Variants in NEFM observed in about 807,000 individuals in gnomAD.
The protein encoded by NEFM is neurofilament medium polypeptide.
A neutral mutation model predicts 48.1 loss-of-function variants in NEFM; 16 were observed. The ratio of observed to expected loss-of-function variants is 0.33; its 90% CI spans 0.23 to 0.51. The LOEUF (loss-of-function observed/expected upper bound fraction) is 0.51, where lower values mean the gene tolerates loss of function less well. Among genes scored for constraint, NEFM ranks in the 20% least tolerant of loss-of-function variants. The probability of loss-of-function intolerance (pLI) is 0.98; values close to 1 mark genes in which losing one functional copy is unlikely to be tolerated. For synonymous variants in NEFM, 465 were observed against 456.9 expected, an observed-to-expected ratio of 1.02 and a Z score of -0.23; for missense variants, 1,107 against 1,136.0, an observed-to-expected ratio of 0.97 and a Z score of 0.37.
At chr8:24,916,365 A>G (rs1462811002) in intron 2 of NEFM, among the ~76,000 whole-genome samples, 2 of 152,214 alleles carry the variant, frequency 1.3e-5, no homozygotes, top group African/African-American at 4.8e-5. Flanking sequence ...AATATATATG[A>G]TCGTTTTATA....
At position 24,917,073 on chromosome 8, in the gene NEFM, G is replaced by T; in HGVS notation, c.1218G>T (p.Glu406Asp). 6.2e-7 allele frequency: 1 copy of T among 1,614,184 alleles called. No homozygotes were observed. The highest frequency in any genetic ancestry group is 8.5e-7 in the Non-Finnish European group (1 of 1,180,024). Reference sequence around the variant, plus strand: ...ATTTTCTCCTTAGAAAACTCCTGGAGGGTGAAGAGACTAGATTTAGCACAT... The same window carrying T: ...ATTTTCTCCTTAGAAAACTCCTGGATGGTGAAGAGACTAGATTTAGCACAT... ...IEIAAYRKLLEGEETRFSTFA... is the reference protein window; with the variant it reads ...IEIAAYRKLLDGEETRFSTFA... The change falls in exon 3 of 3, where the codon GAG (glutamate) becomes GAT (aspartate). Residue 406 changes from glutamate to aspartate, a missense_variant. Glu to Asp is a conservative substitution (Grantham distance 45). Transcript: ENST00000221166.
chr8:24,914,413 G>A lies in NEFM; in HGVS notation c.620G>A (p.Arg207His), dbSNP rs550218764. 4 of 1,613,586 alleles carry A rather than the reference G, an allele frequency of 2.5e-6. No individual in the cohort carries two copies. The highest frequency in any genetic ancestry group is 2.2e-5 in the South Asian group (2 of 91,084). Residue 207 changes from arginine (R) to histidine (H), a missense_variant, in exon 1 of 3, where the codon CGC (arginine) becomes CAC (histidine). Coordinates refer to ENST00000221166, the MANE Select transcript of NEFM (RefSeq NM_005382.2). The part of the protein sequence containing the change: ...DDTEAAIRAL[R>H]KDIEEASLVK... The stretch of plus-strand genomic sequence containing the variant: ...ACTGAGGCGGCCATCCGCGCGCTGC[G>A]CAAAGACATCGAGGAGGCGTCGCTG...
chr8:24,917,439 GGAA>G lies in NEFM; in HGVS notation c.1592_1594del (p.Glu531del), dbSNP rs927835023. ...TTAAAGAAGAGGAAGGGGAAAAGGA[GGAA>G]GAAGAAGGCCAGGAAGAAGAGGAGG... On this transcript the variant is annotated inframe_deletion, in exon 3 of 3. Coordinates refer to ENST00000221166, the MANE Select transcript of NEFM (RefSeq NM_005382.2). 3.2e-6 allele frequency: 5 copies of G among 1,556,168 alleles called. No homozygotes were observed. In the African/African-American group the frequency reaches 4.1e-5, roughly 13 times the overall value.
Position 24,914,045 on chromosome 8 carries a change from C to G in NEFM, c.252C>G (p.Leu84=). ...SLDFSQSSSL[L]NGGSGPGGDY... ...ACTTCAGCCAGTCCTCGTCCCTGCT[C>G]AACGGCGGCTCCGGACCCGGCGGCG... is the stretch of plus-strand genomic sequence containing the variant. The change falls in exon 1 of 3, where the codon CTC becomes CTG. Residue 84 remains leucine (L), a synonymous_variant. Coordinates refer to ENST00000221166, the MANE Select transcript of NEFM (RefSeq NM_005382.2). The G allele has an allele frequency of 1.2e-6, 2 of 1,612,832 alleles. No individual in the cohort carries two copies. The highest frequency in any genetic ancestry group is 4.5e-5 in the East Asian group (2 of 44,866).
rs755574600 is a variant in NEFM at position 24,914,057 on chromosome 8, C to G, written c.264C>G (p.Ser88=). The change falls in exon 1 of 3, where the codon TCC becomes TCG. Residue 88 remains serine, a synonymous_variant. Coordinates refer to ENST00000221166, the MANE Select transcript of NEFM (RefSeq NM_005382.2). ...SQSSSLLNGG[S]GPGGDYKLSR... The stretch of plus-strand genomic sequence containing the variant: ...CCTCGTCCCTGCTCAACGGCGGCTC[C>G]GGACCCGGCGGCGACTACAAGCTGT... The G allele has an allele frequency of 2.5e-6, 4 of 1,612,798 alleles. No individual in the cohort carries two copies. Among genetic ancestry groups the G allele is most frequent in the Middle Eastern group, 3.3e-4 (2 of 6,062 alleles).
At chr8:24,916,012 G>GA (rs1036108568) in intron 2 of NEFM, among the ~76,000 whole-genome samples, 104 of 152,294 alleles carry the variant, frequency 6.8e-4, no homozygotes, top group Admixed American at 1.4e-3. Flanking sequence ...ACTTTTTATG[G>GA]AAAAATGTTT....
Position 24,914,811 on chromosome 8 carries a change from T to A in NEFM, c.1018T>A (p.Ser340Thr). ...ELESVRGTKE[S>T]LERQLSDIEE... ...AGAGTCGGTGCGCGGCACCAAGGAG[T>A]CCCTGGAGCGGCAGCTCAGCGACAT... The change falls in exon 1 of 3, where the codon TCC (serine) becomes ACC (threonine). Residue 340 changes from serine (S) to threonine (T), a missense_variant. By Grantham distance (58) the Ser-to-Thr change is moderately conservative (BLOSUM62 1). Transcript: ENST00000221166. 1 of 1,603,456 alleles carries A rather than the reference T, an allele frequency of 6.2e-7. No individual in the cohort carries two copies. Among genetic ancestry groups the A allele is most frequent in the Non-Finnish European group, 8.5e-7 (1 of 1,175,852 alleles).
Position 24,914,103 on chromosome 8 carries a change from C to A in NEFM, c.310C>A (p.Gln104Lys), listed in dbSNP as rs777168269. ...YKLSRSNEKE[Q>K]LQGLNDRFAG... is the part of the protein sequence containing the mutation. ...GCTGTCCCGCTCCAACGAGAAGGAG[C>A]AGCTGCAGGGGCTGAACGACCGCTT... The change falls in exon 1 of 3, where the codon CAG becomes AAG. Residue 104 changes from glutamine to lysine, a missense_variant. By Grantham distance (53) the Gln-to-Lys change is moderately conservative. Transcript: ENST00000221166. 2 of 1,613,100 alleles carry A rather than the reference C, an allele frequency of 1.2e-6. No homozygotes were observed. The highest frequency in any genetic ancestry group is 2.2e-5 in the South Asian group (2 of 91,072).
chr8:24,918,464 C>A lies in NEFM; in HGVS notation c.2609C>A (p.Thr870Asn). The A allele has an allele frequency of 3.1e-6, 5 of 1,613,948 alleles. No homozygotes were observed. The highest frequency in any genetic ancestry group is 4.2e-6 in the Non-Finnish European group (5 of 1,179,958). Residue 870 changes from threonine (T) to asparagine (N), a missense_variant, in exon 3 of 3, where the codon ACC becomes AAC. Thr to Asn is a moderately conservative substitution (Grantham distance 65). This residue lies in a region of NEFM where 917 missense variants were observed against 916.4 expected (regional missense o/e 1.00). Transcript: ENST00000221166. ...KITSEGGDGA[T>N]KYITKSVTVT... is the part of the protein sequence containing the mutation. ...ACCAGTGAGGGGGGAGATGGTGCTA[C>A]CAAATACATCACTAAATCTGTAACC...
At position 24,918,001 on chromosome 8, in the gene NEFM, G is replaced by A. The variant is rs1470701670; in HGVS notation, c.2146G>A (p.Glu716Lys). ...EKEVKEAPKE[E>K]KVEKKEEKPK... ...GGAAGTCAAGGAAGCTCCCAAGGAA[G>A]AGAAGGTAGAGAAAAAGGAAGAGAA... The change falls in exon 3 of 3, where the codon GAG becomes AAG. Residue 716 changes from glutamate to lysine, a missense_variant. By Grantham distance (56) the Glu-to-Lys change is moderately conservative. Transcript: ENST00000221166. 4 of 1,594,718 alleles carry A rather than the reference G, an allele frequency of 2.5e-6. No individual in the cohort carries two copies. The highest frequency in any genetic ancestry group is 3.4e-6 in the Non-Finnish European group (4 of 1,169,680).
Position 24,917,134 on chromosome 8 carries a change from C to T in NEFM, c.1279C>T (p.Arg427Ter), listed in dbSNP as rs1246789788. The T allele has an allele frequency of 3.1e-6, 5 of 1,614,024 alleles. No individual in the cohort carries two copies. Among genetic ancestry groups the T allele is most frequent in the Admixed American group, 1.7e-5 (1 of 60,012 alleles). Residue 427 changes from arginine (R) to a stop codon, truncating the protein, a stop_gained, in exon 3 of 3, where the codon CGA becomes TGA. Coordinates refer to ENST00000221166, the MANE Select transcript of NEFM (RefSeq NM_005382.2). LOFTEE classifies it low-confidence loss of function (END_TRUNC). ...GSITGPLYTH[R>*]PPITISSKIQ... is the part of the protein sequence containing the mutation. Reference sequence around the variant, plus strand: ...CATCACTGGGCCACTGTATACACACCGACCCCCAATCACAATATCCAGTAA... The same window carrying T: ...CATCACTGGGCCACTGTATACACACTGACCCCCAATCACAATATCCAGTAA...
At chr8:24,916,932 T>G (rs1270901895) in intron 2 of NEFM, 129 bp from the exon 3 acceptor site, 1 of 817,590 alleles carries the variant, frequency 1.2e-6, no homozygotes, top group Non-Finnish European at 2.1e-6. Flanking sequence ...TATAGTGAAT[T>G]CATAGAATAT....
chr8:24,915,200 C>G, intron 1 of NEFM: 1 of 1,298,834 alleles, frequency 7.7e-7, no homozygotes, highest in East Asian at 3.4e-5. Flanking sequence ...TTTAGGATAG[C>G]TTATGCAGAA....
rs1802592112 is a variant in NEFM, at chr8:24,917,406, A to G, written c.1551A>G (p.Ala517=). ...AAAAGTCTCCAGTGAAAGCAACTGC[A>G]CCTGAAGTTAAAGAAGAGGAAGGGG... is the stretch of plus-strand genomic sequence containing the variant. ...AAKKSPVKAT[A]PEVKEEEGEK... is the part of the protein sequence containing the mutation. Residue 517 remains alanine, a synonymous_variant, in exon 3 of 3, where the codon GCA becomes GCG. Transcript: ENST00000221166. The G allele has an allele frequency of 6.4e-7, 1 of 1,565,252 alleles. No individual in the cohort carries two copies. The highest frequency in any genetic ancestry group is 1.9e-5 in the Admixed American group (1 of 51,896).
Position 24,917,077 on chromosome 8 carries a change from G to A in NEFM, c.1222G>A (p.Glu408Lys). The A allele has an allele frequency of 6.2e-7, 1 of 1,614,168 alleles. No homozygotes were observed. Among genetic ancestry groups the A allele is most frequent in the Non-Finnish European group, 8.5e-7 (1 of 1,180,022 alleles). Residue 408 changes from glutamate (E) to lysine (K), a missense_variant, in exon 3 of 3, where the codon GAA (glutamate) becomes AAA (lysine). Physicochemically the swap from Glu to Lys is moderately conservative, Grantham distance 56. Coordinates refer to ENST00000221166, the MANE Select transcript of NEFM (RefSeq NM_005382.2). The part of the protein sequence containing the change: ...IAAYRKLLEG[E>K]ETRFSTFAGS... ...TCTCCTTAGAAAACTCCTGGAGGGT[G>A]AAGAGACTAGATTTAGCACATTTGC...
chr8:24,915,765 A>G, intron 2 of NEFM, 36 bp downstream of exon 2: 2 of 1,613,778 alleles, frequency 1.2e-6, no homozygotes, highest in Non-Finnish European at 8.5e-7. Flanking sequence ...CGGAACACTA[A>G]CCGCAGTGCA....
chr8:24,916,971 G>T, intron 2 of NEFM, 90 bp from the exon 3 acceptor site: 1 of 1,019,688 alleles, frequency 9.8e-7, no homozygotes, highest in Non-Finnish European at 1.6e-6. Flanking sequence ...TTTATTCAAA[G>T]GTAGCTACCA....
Position 24,914,395 on chromosome 8 carries a change from C to A in NEFM, c.602C>A (p.Ala201Glu). The A allele has an allele frequency of 1.2e-6, 2 of 1,613,512 alleles. No individual in the cohort carries two copies. The highest frequency in any genetic ancestry group is 1.1e-5 in the South Asian group (1 of 91,074). Reference protein sequence around the residue: ...EEARLRDDTEAAIRALRKDIE... With the variant: ...EEARLRDDTEEAIRALRKDIE... ...GCGCGGTTGCGCGACGACACTGAGG[C>A]GGCCATCCGCGCGCTGCGCAAAGAC... The change falls in exon 1 of 3, where the codon GCG becomes GAG. Residue 201 changes from alanine to glutamate, a missense_variant. Ala to Glu is a moderately radical substitution (Grantham distance 107). Coordinates refer to ENST00000221166, the MANE Select transcript of NEFM (RefSeq NM_005382.2).
intron 2 of NEFM, 84 bp from the exon 3 acceptor site, chr8:24,916,977 T>C (rs1802582814): frequency 1.7e-5 from 18 of 1,085,462 alleles, no homozygotes; most frequent in Non-Finnish European, 2.3e-5. Flanking sequence ...CAAAGGTAGC[T>C]ACCACAATAC....
Sources: allele counts gnomAD v4.1 joint callset (sites outside exome capture counted in the v4.1 genomes callset), GRCh38; gene constraint gnomAD v4.1.1; regional missense constraint gnomAD v4.1.1; transcripts MANE v1.5; gene names NCBI Gene and HGNC (gene_info 2026-07-23, HGNC 2026-07-21).